The following NUP155 variants were observed in gnomAD, a reference collection of about 807,000 sequenced individuals.
NUP155 encodes the protein nucleoporin 155.
NUP155 carries 71 observed loss-of-function variants against 180.4 expected under a neutral mutation model. That is an observed-to-expected ratio of 0.39 (90% CI 0.33 to 0.48). The LOEUF (loss-of-function observed/expected upper bound fraction) is 0.48, where lower values mean the gene tolerates loss of function less well. NUP155 is among the 20% of genes least tolerant of loss of function. The pLI, the probability that NUP155 is intolerant of heterozygous loss-of-function variation, is 0.91. For missense variants in NUP155, 1,553 were observed against 1,648.9 expected (o/e 0.94, Z 1.01); for synonymous variants, 582 against 559.5 (o/e 1.04, Z -0.57).
chr5:37,345,616 T>A (rs1206025321), intron 9 of NUP155, among the ~76,000 whole-genome samples: 3 of 151,036 alleles, frequency 2.0e-5, no homozygotes, highest in Non-Finnish European at 2.9e-5. Context: ...AAAGAGTGTA[T>A]TAGTTTTGCC....
chr5:37,314,465 A>G, intron 21 of NUP155, 137 bp from the exon 22 acceptor site: 1 of 662,988 alleles, frequency 1.5e-6, no homozygotes, highest in Non-Finnish European at 2.6e-6. Context: ...GATAATCAGT[A>G]GTATTTATGT....
chr5:37,349,602 T>C (rs1342809617), intron 7 of NUP155, among the ~76,000 whole-genome samples: 1 of 152,186 alleles, frequency 6.6e-6, no homozygotes, highest in Non-Finnish European at 1.5e-5. Context: ...CATTAATGAA[T>C]GTTTACTACA....
chr5:37,330,073 T>C lies in NUP155; in HGVS notation c.1689A>G (p.Arg563=). ...ILACSTAACD[R]EVSAWATRAF... is the part of the protein sequence containing the mutation. ...CCCGAGTAGCCCAGGCAGATACTTC[T>C]CTATCACAGGCAGCAGTGGAGCAAG... Residue 563 remains arginine, a synonymous_variant, in exon 15 of 35, where the codon AGA becomes AGG. Transcript: ENST00000231498. 6.2e-7 allele frequency: 1 copy of C among 1,613,792 alleles called. No homozygotes were observed. Among genetic ancestry groups the C allele is most frequent in the Non-Finnish European group, 8.5e-7 (1 of 1,179,832 alleles).
At chr5:37,329,338 T>C (rs748817431) in intron 15 of NUP155, 60 bp from the exon 16 acceptor site, 59 of 1,348,034 alleles carry the variant, frequency 4.4e-5, no homozygotes, top group Non-Finnish European at 5.6e-5. Flanking sequence ...TCTTAAAAAC[T>C]GGAATTGTTC....
intron 14 of NUP155, 95 bp from the exon 15 acceptor site, chr5:37,330,227 C>T: frequency 1.2e-6 from 1 of 825,732 alleles, no homozygotes; most frequent in South Asian, 1.5e-5. Context: ...GTATCTAGCA[C>T]AGAGCAGGCA....
intron 24 of NUP155, among the ~76,000 whole-genome samples, 162 bp from the exon 25 acceptor site, chr5:37,307,594 T>C (rs909506789): frequency 6.6e-6 from 1 of 152,104 alleles, no homozygotes; most frequent in South Asian, 2.1e-4. Context: ...AAGGAAAAGG[T>C]CTTAATATGC....
chr5:37,302,505 A>C (rs751668176), intron 29 of NUP155, among the ~76,000 whole-genome samples: 23 of 152,238 alleles, frequency 1.5e-4, no homozygotes, highest in Non-Finnish European at 2.8e-4. Flanking sequence ...AAGTGCTGGG[A>C]TTACAGGCGT....
chr5:37,292,817 C>A lies in NUP155; in HGVS notation c.4037+62G>T, dbSNP rs1310585941. ...TCCCATCTTCTCTTCAAATTTTTTA[C>A]CCAGGTATTTATTAGAAGCATTTAA... is the stretch of plus-strand genomic sequence containing the variant. On this transcript the variant is annotated intron_variant, in intron 34 of 34. Transcript: ENST00000231498. The A allele has an allele frequency of 2.9e-6, 3 of 1,030,784 alleles. No individual in the cohort carries two copies. In the East Asian group the frequency reaches 7.2e-5, roughly 25 times the overall value. 63.9% of individuals were successfully genotyped at this position (1,030,784 alleles called of 1,614,324 possible).
chr5:37,299,877 T>A (rs961200490), intron 30 of NUP155, among the ~76,000 whole-genome samples: 41 of 145,936 alleles, frequency 2.8e-4, no homozygotes, highest in East Asian at 2.2e-3. Flanking sequence ...TACTAAAATT[T>A]AAAAAAAAAA....
At chr5:37,296,466 C>CGCTTGA (rs1742579005) in intron 32 of NUP155, among the ~76,000 whole-genome samples, 1 of 151,556 alleles carries the variant, frequency 6.6e-6, no homozygotes, top group African/African-American at 2.4e-5. Flanking sequence ...GTTAAACAGA[C>CGCTTGA]GCTTGAAGGC....
In NUP155 at chr5:37,333,472, G is replaced by A. The variant is rs752952361; in HGVS notation, c.1509C>T (p.Leu503=). ...CAGAATACGTACACACCTGTGCTGA[G>A]AGGAGAACAAATTTCTTCGGAGGTA... ...HMLPPKKFVL[L]SAQGSLMFHK... The change falls in exon 13 of 35, where the codon CTC becomes CTT. Residue 503 remains leucine (L), a synonymous_variant. Coordinates refer to ENST00000231498, the MANE Select transcript of NUP155 (RefSeq NM_153485.3). The A allele has an allele frequency of 3.0e-5, 48 of 1,613,806 alleles. No homozygotes were observed. The highest frequency in any genetic ancestry group is 3.9e-5 in the Non-Finnish European group (46 of 1,179,814).
At chr5:37,323,511 C>A (rs1027586956) in intron 20 of NUP155, among the ~76,000 whole-genome samples, 1 of 151,732 alleles carries the variant, frequency 6.6e-6, no homozygotes, top group Admixed American at 6.6e-5. Flanking sequence ...TATAAAGATT[C>A]CATGTATATA....
At chr5:37,324,203 T>A (rs1171989934) in intron 19 of NUP155, 96 bp from the exon 20 acceptor site, 3 of 773,458 alleles carry the variant, frequency 3.9e-6, no homozygotes, top group Non-Finnish European at 6.8e-6. Flanking sequence ...ATCTCTATAG[T>A]TATTTCTTGT....
rs374631687 is a variant in NUP155 at position 37,310,546 on chromosome 5, T to C, written c.2628+6A>G. On this transcript the variant is annotated splice_donor_region_variant and intron_variant, in intron 23 of 34. Transcript: ENST00000231498. ...AAACAATGAAATAGGTAATAAAGTA[T>C]CATACCTTAGAACAAATTGCATCAT... is the stretch of plus-strand genomic sequence containing the variant. The C allele has an allele frequency of 4.4e-6, 7 of 1,607,610 alleles. No individual in the cohort carries two copies. Among genetic ancestry groups the C allele is most frequent in the Non-Finnish European group, 6.0e-6 (7 of 1,174,528 alleles).
intron 3 of NUP155, among the ~76,000 whole-genome samples, chr5:37,360,042 T>C (rs1046005214): frequency 2.7e-5 from 4 of 150,818 alleles, no homozygotes; most frequent in African/African-American, 9.8e-5. Flanking sequence ...CACTTGAACC[T>C]GGGAGGTGGA....
At chr5:37,347,434 G>A (rs1049647467) in intron 9 of NUP155, among the ~76,000 whole-genome samples, 5 of 152,114 alleles carry the variant, frequency 3.3e-5, no homozygotes, top group Non-Finnish European at 5.9e-5. Context: ...GGTGGCTCAC[G>A]CCTGTAATCC....
intron 20 of NUP155, among the ~76,000 whole-genome samples, chr5:37,322,767 G>GT (rs1354435196): frequency 6.0e-5 from 9 of 149,754 alleles, no homozygotes; most frequent in Non-Finnish European, 1.0e-4. Context: ...GTGGTCAGGA[G>GT]TTTGAGACCA....
At chr5:37,330,275 T>C in intron 14 of NUP155, 143 bp from the exon 15 acceptor site, 1 of 669,478 alleles carries the variant, frequency 1.5e-6, no homozygotes, top group Non-Finnish European at 2.7e-6. Context: ...AATCAGTTAG[T>C]GTTAAAAAGA....
Position 37,341,242 on chromosome 5 carries a change from C to T in NUP155, c.1094G>A (p.Gly365Asp). ...ACAAGTGCTAAAATATAACCTAACA[C>T]CTGAAGATGGGGTAAAATTATGCAT... ...DCQLLAVTHA[G>D]VRLYFSTCPF... The change falls in exon 11 of 35, where the codon GGT (glycine) becomes GAT (aspartate). Residue 365 changes from glycine (G) to aspartate (D), a missense_variant and splice_region_variant. Gly to Asp is a moderately conservative substitution (Grantham distance 94). Transcript: ENST00000231498. The T allele has an allele frequency of 6.2e-7, 1 of 1,613,716 alleles. No individual in the cohort carries two copies.
Sources: allele counts gnomAD v4.1 joint callset (sites outside exome capture counted in the v4.1 genomes callset), GRCh38; gene constraint gnomAD v4.1.1; transcripts MANE v1.5; gene names NCBI Gene and HGNC (gene_info 2026-07-23, HGNC 2026-07-21).